ATP1A4: variants seen among roughly 807,000 people sequenced by gnomAD.
ATP1A4 encodes the protein sodium/potassium-transporting ATPase subunit alpha-4.
Under a neutral mutation model 114.3 loss-of-function variants are expected in ATP1A4, and 90 were observed. That is an observed-to-expected ratio of 0.79 (90% CI 0.66 to 0.94). The LOEUF is 0.94. ATP1A4 is among the 40% of genes least tolerant of loss of function. The pLI is 0.00. For missense variants in ATP1A4, 1,222 were observed against 1,313.6 expected (o/e 0.93, Z 1.08); for synonymous variants, 511 against 494.1 (o/e 1.03, Z -0.45).
intron 21 of ATP1A4, 22 bp from the exon 22 acceptor site, chr1:160,186,649 G>A (rs572743590): frequency 1.5e-5 from 24 of 1,607,866 alleles, no homozygotes; most frequent in Middle Eastern, 1.7e-4. Flanking sequence ...CCCAGTTCAC[G>A]CTGGCCTCTT....
At chr1:160,178,380 T>A (rs1179105844) in intron 18 of ATP1A4, among the ~76,000 whole-genome samples, 1 of 117,822 alleles carries the variant, frequency 8.5e-6, no homozygotes, top group Non-Finnish European at 1.8e-5. Flanking sequence ...TAAATAAATA[T>A]AAAATTTGAA....
Position 160,176,169 on chromosome 1 carries a change from C to T in ATP1A4, c.2389C>T (p.Leu797=). 1 of 1,614,134 alleles carries T rather than the reference C, an allele frequency of 6.2e-7. No individual in the cohort carries two copies. Among genetic ancestry groups the T allele is most frequent in the East Asian group, 2.2e-5 (1 of 44,874 alleles). The part of the protein sequence containing the change: ...TSNIPEITPF[L]MFIILGIPLP... ...CAACATCCCCGAGATCACGCCCTTC[C>T]TGATGTTCATCATCCTCGGTATACC... The change falls in exon 16 of 22, where the codon CTG becomes TTG. Residue 797 remains leucine, a synonymous_variant. Transcript: ENST00000368081.
At chr1:160,165,021 A>G (rs1341873275) in intron 7 of ATP1A4, among the ~76,000 whole-genome samples, 1 of 152,204 alleles carries the variant, frequency 6.6e-6, no homozygotes, top group Non-Finnish European at 1.5e-5. Context: ...TCTTCTACAG[A>G]CTAGCCCTTT....
intron 4 of ATP1A4, among the ~76,000 whole-genome samples, chr1:160,156,446 G>A (rs749923470): frequency 7.0e-6 from 1 of 143,326 alleles, no homozygotes; most frequent in Non-Finnish European, 1.5e-5. Context: ...TTTTTAAAGA[G>A]ACAAGTGTTG....
intron 21 of ATP1A4, 64 bp downstream of exon 21, chr1:160,186,431 C>A: frequency 7.8e-7 from 1 of 1,286,142 alleles, no homozygotes. Context: ...GCTCTCCCAT[C>A]CCACCTAGTC....
At chr1:160,159,985 G>T (rs915216213) in intron 6 of ATP1A4, among the ~76,000 whole-genome samples, 1 of 152,106 alleles carries the variant, frequency 6.6e-6, no homozygotes, top group Admixed American at 6.5e-5. Flanking sequence ...ATTACCAGAG[G>T]TGCCACTTAG....
At chr1:160,175,622 C>T (rs781321953) in intron 15 of ATP1A4, among the ~76,000 whole-genome samples, 44 of 151,868 alleles carry the variant, frequency 2.9e-4, no homozygotes, top group Non-Finnish European at 5.3e-4. Flanking sequence ...GAGAGGGATT[C>T]GATCTTTGAA....
intron 18 of ATP1A4, 136 bp downstream of exon 18, chr1:160,177,800 G>A (rs1466840560): frequency 3.0e-5 from 28 of 941,536 alleles, no homozygotes; most frequent in Non-Finnish European, 4.0e-5. Context: ...CTTCAGTCCT[G>A]TATGAGCCTT....
At chr1:160,155,300 C>T in intron 3 of ATP1A4, 52 bp downstream of exon 3, 1 of 1,501,956 alleles carries the variant, frequency 6.7e-7, no homozygotes, top group Non-Finnish European at 9.1e-7. Flanking sequence ...TAGCCCCAGA[C>T]ACTCTTTTGC....
Position 160,153,259 on chromosome 1 carries a change from T to C in ATP1A4, c.207+35T>C, listed in dbSNP as rs1446909659. 3.2e-6 allele frequency: 5 copies of C among 1,583,270 alleles called. No homozygotes were observed. The African/African-American group carries it at 4.0e-5, about 13-fold the overall frequency. Reference sequence around the variant, plus strand: ...AAGCTCCCTGAGGAGGCAGAGAGTCTCCAACTCTGACTGTGAGGCTGCCAG... The same window carrying C: ...AAGCTCCCTGAGGAGGCAGAGAGTCCCCAACTCTGACTGTGAGGCTGCCAG... On this transcript the variant is annotated intron_variant, in intron 2 of 21. Coordinates refer to ENST00000368081, the MANE Select transcript of ATP1A4 (RefSeq NM_144699.4).
intron 5 of ATP1A4, 109 bp from the exon 6 acceptor site, chr1:160,159,300 A>G (rs1652784839): frequency 1.5e-6 from 2 of 1,349,118 alleles, no homozygotes; most frequent in Non-Finnish European, 1.0e-6. Context: ...TGTTTCTCTC[A>G]GTCTGTCAGT....
At chr1:160,166,153 T>C (rs1242500862) in intron 7 of ATP1A4, among the ~76,000 whole-genome samples, 7 of 152,128 alleles carry the variant, frequency 4.6e-5, no homozygotes. Context: ...GCCTGTAGTC[T>C]GAGCTACTCG....
Position 160,176,080 on chromosome 1 carries a change from C to T in ATP1A4, c.2312-12C>T. 1 of 1,614,054 alleles carries T rather than the reference C, an allele frequency of 6.2e-7. No homozygotes were observed. The highest frequency in any genetic ancestry group is 8.5e-7 in the Non-Finnish European group (1 of 1,179,976). ...CCAGGGCTTCTCACAGGAGGTTGAC[C>T]TTCCTCCCCAGGCCGCCTGATCTTT... is the stretch of plus-strand genomic sequence containing the variant. On this transcript the variant is annotated splice_polypyrimidine_tract_variant and intron_variant, in intron 15 of 21. Coordinates refer to ENST00000368081, the MANE Select transcript of ATP1A4 (RefSeq NM_144699.4).
At chr1:160,169,545 A>G (rs1253217591) in intron 10 of ATP1A4, 2 of 152,208 alleles carry the variant, frequency 1.3e-5, no homozygotes, top group Non-Finnish European at 2.9e-5. Flanking sequence ...AACTGAACAA[A>G]CGAACAGAAC....
At position 160,181,724 on chromosome 1, in the gene ATP1A4, C is replaced by A. The variant is rs1397211130; in HGVS notation, c.2777C>A (p.Thr926Lys). 8 of 1,614,126 alleles carry A rather than the reference C, an allele frequency of 5.0e-6. No homozygotes were observed. The highest frequency in any genetic ancestry group is 2.2e-5 in the East Asian group (1 of 44,876). Residue 926 changes from threonine to lysine, a missense_variant, in exon 19 of 22, where the codon ACG becomes AAG. Physicochemically the swap from Thr to Lys is moderately conservative, Grantham distance 78 (BLOSUM62 -1). Transcript: ENST00000368081. The part of the protein sequence containing the change: ...QRKVVEFTCQ[T>K]AFFVTIVVVQ... ...AAAGTTGTGGAGTTCACATGCCAAA[C>A]GGCCTTTTTTGTCACCATCGTGGTT...
rs540428649 is a variant in ATP1A4, at chr1:160,154,422, T to C, written c.208-623T>C. On this transcript the variant is annotated intron_variant, in intron 2 of 21. Coordinates refer to ENST00000368081, the MANE Select transcript of ATP1A4 (RefSeq NM_144699.4). ...GTACATATTTATGGTATACATGTAT[T>C]ATTCTGATATAAGCATACAATGTGT... 1.4e-3 allele frequency among the ~76,000 whole-genome samples: 220 copies of C among 152,324 alleles called. 3 individuals carry two copies. Among genetic ancestry groups the C allele is most frequent in the African/African-American group, 4.9e-3 (203 of 41,560 alleles).
intron 13 of ATP1A4, 63 bp downstream of exon 13, chr1:160,173,780 G>A: frequency 6.4e-7 from 1 of 1,567,658 alleles, no homozygotes; most frequent in Middle Eastern, 1.7e-4. Context: ...GCCCCACCCA[G>A]ATGCCACTTT....
At chr1:160,166,872 C>T in intron 8 of ATP1A4, 96 bp from the exon 9 acceptor site, 4 of 1,494,954 alleles carry the variant, frequency 2.7e-6, no homozygotes, top group Non-Finnish European at 3.7e-6. Context: ...AGAAATGCTG[C>T]TCCTGTGAAG....
chr1:160,185,884 A>T (rs1201503966), intron 20 of ATP1A4, among the ~76,000 whole-genome samples: 21 of 147,316 alleles, frequency 1.4e-4, no homozygotes, highest in African/African-American at 5.1e-4. Context: ...AAGCCACTGC[A>T]CTCCAGCCTG....
Sources: allele counts gnomAD v4.1 joint callset (sites outside exome capture counted in the v4.1 genomes callset), GRCh38; gene constraint gnomAD v4.1.1; transcripts MANE v1.5; gene names NCBI Gene and HGNC (gene_info 2026-07-23, HGNC 2026-07-21).